CD8B2: variants seen among roughly 807,000 people sequenced by gnomAD.
CD8B2 encodes the protein T-cell surface glycoprotein CD8 beta-2 chain.
In CD8B2, 11 loss-of-function variants were observed where a neutral mutation model predicts 23.7. The ratio of observed to expected loss-of-function variants is 0.46; its 90% CI spans 0.29 to 0.77. CD8B2 has a LOEUF of 0.77. CD8B2 is among the 30% of genes least tolerant of loss of function. The probability of loss-of-function intolerance (pLI) is 0.09; values close to 1 mark genes in which losing one functional copy is unlikely to be tolerated. For missense variants in CD8B2, 197 were observed against 270.5 expected (o/e 0.73, Z 1.91); for synonymous variants, 90 against 109.3 (o/e 0.82, Z 1.10).
intron 5 of CD8B2, among the ~76,000 whole-genome samples, chr2:106,532,355 G>A (rs1017223269): frequency 6.6e-6 from 1 of 151,946 alleles, no homozygotes; most frequent in Non-Finnish European, 1.5e-5. Flanking sequence ...CTATTAAAGC[G>A]AGCTAGAATC....
At chr2:106,516,193 G>A (rs763535683) in intron 5 of CD8B2, among the ~76,000 whole-genome samples, 59 of 152,008 alleles carry the variant, frequency 3.9e-4, no homozygotes, top group Non-Finnish European at 6.6e-4. Context: ...CCACCCCACC[G>A]CCAGCATCTC....
Position 106,507,779 on chromosome 2 carries a change from C to G in CD8B2, c.*839C>G. On this transcript the variant is annotated 3_prime_UTR_variant, in exon 6 of 6. Coordinates refer to ENST00000643224, the MANE Select transcript of CD8B2 (RefSeq NM_001349727.2). ...ACATCCTCCTTTTGCACCTGAGATC[C>G]TCATTTGCCCGACATTGTAGGTGTG... 1 of 340,622 alleles carries G rather than the reference C, an allele frequency of 2.9e-6. No homozygotes were observed. The highest frequency in any genetic ancestry group is 4.2e-6 in the Non-Finnish European group (1 of 240,594). 21.1% of individuals were successfully genotyped at this position (340,622 alleles called of 1,614,324 possible).
Position 106,528,781 on chromosome 2 carries a change from T to C in CD8B2, c.621-15211T>C, listed in dbSNP as rs191484613. 5.1e-4 allele frequency among the ~76,000 whole-genome samples: 78 copies of C among 152,330 alleles called. 1 individual carries two copies. The East Asian group carries it at 0.014, about 27-fold the overall frequency. On this transcript the variant is annotated intron_variant, in intron 5 of 5. Transcript: ENST00000416057. ...AGTTCCCTTCAGATGTTCAGCATCTTGGAAGGCATTGGAAATAGACTTTCC... is the reference window on the plus strand; with the variant it reads ...AGTTCCCTTCAGATGTTCAGCATCTCGGAAGGCATTGGAAATAGACTTTCC...
At chr2:106,519,340 T>C (rs1679783019) in intron 5 of CD8B2, among the ~76,000 whole-genome samples, 1 of 152,226 alleles carries the variant, frequency 6.6e-6, no homozygotes, top group Non-Finnish European at 1.5e-5. Flanking sequence ...TGACCACTAC[T>C]GCTTCAGTGA....
intron 3 of CD8B2, among the ~76,000 whole-genome samples, chr2:106,499,531 CAAAA>C (rs58020024): frequency 1.5e-4 from 13 of 87,124 alleles, no homozygotes; most frequent in Admixed American, 3.6e-4. Flanking sequence ...GACCCTGTCT[CAAAA>C]AAAAAAAAAA....
chr2:106,503,604 G>C (rs1679453998), intron 4 of CD8B2, among the ~76,000 whole-genome samples: 1 of 152,176 alleles, frequency 6.6e-6, no homozygotes. Flanking sequence ...GCAGTTGGCT[G>C]TATTTACTTA....
chr2:106,511,139 C>T (rs536093406), downstream of CD8B2: 29 of 152,252 alleles, frequency 1.9e-4, no homozygotes, highest in African/African-American at 6.3e-4. Context: ...TATCCACAAA[C>T]GAAAGATTTA....
chr2:106,532,376 C>T (rs1680000178), intron 5 of CD8B2, among the ~76,000 whole-genome samples: 1 of 152,018 alleles, frequency 6.6e-6, no homozygotes, highest in Admixed American at 6.6e-5. Context: ...CTAGCAAATA[C>T]AGATATTGGT....
intron 5 of CD8B2, among the ~76,000 whole-genome samples, chr2:106,523,322 C>A (rs1180544653): frequency 6.6e-6 from 1 of 152,140 alleles, no homozygotes; most frequent in Non-Finnish European, 1.5e-5. Context: ...CCCCAAGTTT[C>A]TGTACAAGTA....
intron 5 of CD8B2, among the ~76,000 whole-genome samples, chr2:106,540,901 A>G (rs920954056): frequency 3.9e-5 from 6 of 152,186 alleles, no homozygotes; most frequent in African/African-American, 1.4e-4. Context: ...GTAAGTATTC[A>G]AAGTGACAAC....
At chr2:106,543,790 C>T (rs534999604) in intron 5 of CD8B2, among the ~76,000 whole-genome samples, 110 of 152,304 alleles carry the variant, frequency 7.2e-4, no homozygotes, top group Admixed American at 9.2e-4. Flanking sequence ...AGTGAAATTA[C>T]TCTTATTGAC....
intron 5 of CD8B2, 91 bp from the exon 6 acceptor site, chr2:106,506,837 T>C: frequency 6.3e-7 from 1 of 1,592,968 alleles, no homozygotes. Context: ...AGTAGAACTC[T>C]GCATTCTCAC....
intron 5 of CD8B2, among the ~76,000 whole-genome samples, chr2:106,522,829 G>A (rs1422907144): frequency 6.6e-6 from 1 of 152,086 alleles, no homozygotes; most frequent in Admixed American, 6.6e-5. Context: ...ATCTGAGTGA[G>A]GCAGGCACCT....
chr2:106,494,853 G>A (rs1488088658), intron 2 of CD8B2, among the ~76,000 whole-genome samples: 1 of 152,184 alleles, frequency 6.6e-6, no homozygotes, highest in Admixed American at 6.5e-5. Context: ...TAAAGTTTGA[G>A]ACTGAACTTC....
intron 5 of CD8B2, among the ~76,000 whole-genome samples, chr2:106,536,634 G>C (rs900613192): frequency 6.6e-6 from 1 of 152,186 alleles, no homozygotes; most frequent in Non-Finnish European, 1.5e-5. Flanking sequence ...AGATGAAAAG[G>C]GTGAAACTGA....
At chr2:106,512,129 G>A (rs1241157763), downstream of CD8B2, among the ~76,000 whole-genome samples, 1 of 152,244 alleles carries the variant, frequency 6.6e-6, no homozygotes, top group Admixed American at 6.5e-5. Context: ...AGGGTGGAGT[G>A]CAGTGGCGCA....
At chr2:106,503,746 C>A (rs1679456934) in intron 4 of CD8B2, among the ~76,000 whole-genome samples, 1 of 151,826 alleles carries the variant, frequency 6.6e-6, no homozygotes, top group Non-Finnish European at 1.5e-5. Flanking sequence ...CTAGCCTAGA[C>A]AACATAATAA....
chr2:106,513,652 C>G (rs1679680271), downstream of CD8B2, among the ~76,000 whole-genome samples: 1 of 151,700 alleles, frequency 6.6e-6, no homozygotes, highest in African/African-American at 2.4e-5. Flanking sequence ...CTGAAGCTGC[C>G]TGCTGGGCTA....
chr2:106,511,780 G>T (rs1490988469), downstream of CD8B2, among the ~76,000 whole-genome samples: 1 of 152,140 alleles, frequency 6.6e-6, no homozygotes, highest in African/African-American at 2.4e-5. Flanking sequence ...GACACTCCCG[G>T]GGAACCGTGA....
Sources: gnomAD v4.1 joint callset for allele counts (sites outside exome capture counted in the v4.1 genomes callset) on GRCh38, gnomAD v4.1.1 for gene constraint, MANE v1.5 for transcripts, NCBI Gene and HGNC (gene_info 2026-07-23, HGNC 2026-07-21) for gene names.